Variants in NCOA3 observed in about 807,000 individuals in gnomAD.
The protein encoded by NCOA3 is nuclear receptor coactivator 3.
In NCOA3, 51 loss-of-function variants were observed where a neutral mutation model predicts 158.8. The ratio of observed to expected loss-of-function variants is 0.32; its 90% CI spans 0.26 to 0.41. NCOA3 has a LOEUF of 0.41. Among genes scored for constraint, NCOA3 ranks in the 10% least tolerant of loss-of-function variants. NCOA3 has a pLI of 1.00. For missense variants in NCOA3, 1,510 were observed against 1,746.6 expected (o/e 0.86, Z 2.41); for synonymous variants, 537 against 592.4 (o/e 0.91, Z 1.36).
intron 1 of NCOA3, among the ~76,000 whole-genome samples, chr20:47,517,451 C>CTTTTTTTT (rs376699406): frequency 4.6e-5 from 6 of 129,294 alleles, no homozygotes; most frequent in African/African-American, 1.6e-4. Context: ...TTTTCTTTTT[C>CTTTTTTTT]TTTTTTTTTT....
intron 1 of NCOA3, among the ~76,000 whole-genome samples, chr20:47,573,342 G>C (rs1250106364): frequency 6.6e-6 from 1 of 152,110 alleles, no homozygotes; most frequent in Non-Finnish European, 1.5e-5. Flanking sequence ...GCAGTGAGCC[G>C]AGAGCTGAGA....
intron 2 of NCOA3, among the ~76,000 whole-genome samples, chr20:47,606,124 A>G (rs2085942966): frequency 6.6e-6 from 1 of 152,208 alleles, no homozygotes; most frequent in Non-Finnish European, 1.5e-5. Context: ...GATTATAGGC[A>G]TGAGCCACTG....
At chr20:47,593,198 G>T (rs373266820) in intron 2 of NCOA3, among the ~76,000 whole-genome samples, 18 of 152,102 alleles carry the variant, frequency 1.2e-4, no homozygotes, top group African/African-American at 4.3e-4. Context: ...CTCCCAAAGT[G>T]CTGGGACTAC....
chr20:47,568,633 C>T (rs1045784947), intron 1 of NCOA3, among the ~76,000 whole-genome samples: 7 of 151,972 alleles, frequency 4.6e-5, no homozygotes, highest in East Asian at 1.9e-4. Context: ...TCTACCAAAA[C>T]GATGTAAGAA....
At chr20:47,502,439 G>C (rs2083950050) in intron 1 of NCOA3, among the ~76,000 whole-genome samples, 1 of 152,162 alleles carries the variant, frequency 6.6e-6, no homozygotes, top group Admixed American at 6.5e-5. Flanking sequence ...GCAGCTTCTG[G>C]GACGCACGGG....
intron 1 of NCOA3, among the ~76,000 whole-genome samples, chr20:47,573,220 G>A (rs2085321617): frequency 2.0e-5 from 3 of 152,076 alleles, no homozygotes; most frequent in South Asian, 2.1e-4. Context: ...CCAACATGGT[G>A]AAACCCTGTC....
At chr20:47,619,259 G>A (rs2086195211) in intron 2 of NCOA3, among the ~76,000 whole-genome samples, 1 of 152,184 alleles carries the variant, frequency 6.6e-6, no homozygotes, top group Admixed American at 6.5e-5. Context: ...CCATGGAATA[G>A]TTTCTCCATT....
intron 1 of NCOA3, among the ~76,000 whole-genome samples, chr20:47,580,504 C>T (rs1387011116): frequency 3.9e-5 from 6 of 152,084 alleles, no homozygotes; most frequent in Admixed American, 1.3e-4. Context: ...TGCAATGAGC[C>T]GAGATCATGC....
Position 47,651,178 on chromosome 20 carries a change from C to T in NCOA3, c.3848C>T (p.Pro1283Leu), listed in dbSNP as rs771039407. ...QQQQTQAFSP[P>L]PNVTASPSMD... ...CAGCAAACCCAGGCCTTCAGCCCAC[C>T]TCCTAATGTGACTGCTTCCCCCAGC... Residue 1283 changes from proline to leucine, a missense_variant, in exon 20 of 23, where the codon CCT becomes CTT. Physicochemically the swap from Pro to Leu is moderately conservative, Grantham distance 98. This residue lies in a region of NCOA3 where 180 missense variants were observed against 199.3 expected (regional missense o/e 0.90). Transcript: ENST00000371998. 25 of 1,613,916 alleles carry T rather than the reference C, an allele frequency of 1.5e-5. No individual in the cohort carries two copies. The highest frequency in any genetic ancestry group is 1.4e-5 in the Non-Finnish European group (17 of 1,180,008).
chr20:47,525,451 C>T (rs1281231247), intron 1 of NCOA3, among the ~76,000 whole-genome samples: 2 of 150,998 alleles, frequency 1.3e-5, no homozygotes, highest in African/African-American at 2.4e-5. Context: ...CTGTTGGGTA[C>T]ACCTCCCAGA....
intron 2 of NCOA3, among the ~76,000 whole-genome samples, chr20:47,595,467 T>G (rs1341223873): frequency 6.6e-6 from 1 of 152,232 alleles, no homozygotes. Context: ...TGGCTGGCGC[T>G]TAACTTGCAA....
chr20:47,633,397 T>TTA, intron 8 of NCOA3, 99 bp from the exon 9 acceptor site: 1 of 1,149,850 alleles, frequency 8.7e-7, no homozygotes, highest in Non-Finnish European at 1.2e-6. Context: ...AAAGATTTAA[T>TTA]ATCTTTTATT....
intron 1 of NCOA3, among the ~76,000 whole-genome samples, chr20:47,507,437 T>C (rs956661644): frequency 3.9e-5 from 6 of 152,230 alleles, no homozygotes; most frequent in Non-Finnish European, 8.8e-5. Context: ...TCTTGGTTTA[T>C]GTCGACAACC....
intron 2 of NCOA3, among the ~76,000 whole-genome samples, chr20:47,615,209 A>G (rs2086112738): frequency 6.6e-6 from 1 of 152,192 alleles, no homozygotes; most frequent in Admixed American, 6.5e-5. Context: ...GATGTCTAGT[A>G]TTGTACTACC....
intron 2 of NCOA3, among the ~76,000 whole-genome samples, chr20:47,618,402 G>GGAGT (rs1163035213): frequency 7.2e-6 from 1 of 139,370 alleles, no homozygotes; most frequent in Non-Finnish European, 1.5e-5. Context: ...TGCCTAGGCT[G>GGAGT]GAGTGCCAAT....
chr20:47,598,527 G>A (rs1348980123), intron 2 of NCOA3, among the ~76,000 whole-genome samples: 1 of 151,946 alleles, frequency 6.6e-6, no homozygotes, highest in Non-Finnish European at 1.5e-5. Context: ...AGTAGAGACA[G>A]GGTTTCACCA....
intron 2 of NCOA3, among the ~76,000 whole-genome samples, chr20:47,610,903 G>A (rs902885499): frequency 1.3e-5 from 2 of 152,140 alleles, no homozygotes; most frequent in Non-Finnish European, 2.9e-5. Flanking sequence ...GCTAACTTTA[G>A]TACTATAGTG....
At chr20:47,623,264 G>A (rs1428574864) in intron 3 of NCOA3, among the ~76,000 whole-genome samples, 1 of 152,080 alleles carries the variant, frequency 6.6e-6, no homozygotes, top group African/African-American at 2.4e-5. Context: ...TTAATAAGTA[G>A]CTACCACTGT....
intron 1 of NCOA3, among the ~76,000 whole-genome samples, chr20:47,526,881 G>C (rs2084463246): frequency 6.6e-6 from 1 of 152,182 alleles, no homozygotes; most frequent in South Asian, 2.1e-4. Context: ...GACCTCAGGT[G>C]ATCCACCTGC....
Sources: allele counts gnomAD v4.1 joint callset (sites outside exome capture counted in the v4.1 genomes callset), GRCh38; gene constraint gnomAD v4.1.1; regional missense constraint gnomAD v4.1.1; transcripts MANE v1.5; gene names NCBI Gene and HGNC (gene_info 2026-07-23, HGNC 2026-07-21).